The following CCDC38 variants were observed in gnomAD, a reference collection of about 807,000 sequenced individuals.
CCDC38 encodes coiled-coil domain-containing protein 38.
Under a neutral mutation model 72.8 loss-of-function variants are expected in CCDC38, and 69 were observed. That is an observed-to-expected ratio of 0.95 (90% CI 0.78 to 1.16). The LOEUF (loss-of-function observed/expected upper bound fraction) is 1.16, where lower values mean the gene tolerates loss of function less well. CCDC38 is among the 50% of genes most tolerant of loss of function. The pLI is 0.00. For synonymous variants in CCDC38, 201 were observed against 213.2 expected, an observed-to-expected ratio of 0.94 and a Z score of 0.50; for missense variants, 626 against 638.9, an observed-to-expected ratio of 0.98 and a Z score of 0.22.
intron 2 of CCDC38, among the ~76,000 whole-genome samples, chr12:95,928,700 T>G (rs1179196144): frequency 6.6e-6 from 1 of 152,234 alleles, no homozygotes; most frequent in African/African-American, 2.4e-5. Context: ...ATGATGGTGA[T>G]GTACAGATGG....
At chr12:95,909,806 G>A (rs182764111) in intron 4 of CCDC38, among the ~76,000 whole-genome samples, 97 of 152,142 alleles carry the variant, frequency 6.4e-4, no homozygotes, top group African/African-American at 2.1e-3. Context: ...AAAACCATAG[G>A]ATCATCTTGA....
intron 10 of CCDC38, 92 bp from the exon 11 acceptor site, chr12:95,881,646 C>A: frequency 1.1e-6 from 1 of 885,542 alleles, no homozygotes; most frequent in Non-Finnish European, 1.8e-6. Context: ...CGTTGGAACC[C>A]AACTGTAACA....
intron 2 of CCDC38, among the ~76,000 whole-genome samples, chr12:95,924,506 G>A (rs1197573731): frequency 3.4e-5 from 5 of 145,394 alleles, no homozygotes; most frequent in African/African-American, 1.3e-4. Flanking sequence ...TCACTCTGAT[G>A]GTAGTTTCTT....
intron 4 of CCDC38, among the ~76,000 whole-genome samples, chr12:95,907,563 G>T (rs1412897913): frequency 5.9e-5 from 8 of 135,682 alleles, no homozygotes. Context: ...GGACGAGGCG[G>T]CTGGCCAGGC....
At chr12:95,887,337 C>A (rs2079770983) in intron 10 of CCDC38, among the ~76,000 whole-genome samples, 1 of 152,122 alleles carries the variant, frequency 6.6e-6, no homozygotes, top group Admixed American at 6.6e-5. Context: ...TCACTATATC[C>A]CCAAACTAAA....
In CCDC38 at chr12:95,910,821, G is replaced by A. The variant is rs548729271; in HGVS notation, c.305-4370C>T. Among the ~76,000 whole-genome samples, 177 of 152,282 alleles carry A rather than the reference G, an allele frequency of 1.2e-3. 1 individual carries two copies. The highest frequency in any genetic ancestry group is 3.4e-3 in the African/African-American group (141 of 41,558). ...CAAGGTTACAGTGAGCTATGATCATGCTACTGCACTTCAGCCTGGGGGACA... is the reference window on the plus strand; with the variant it reads ...CAAGGTTACAGTGAGCTATGATCATACTACTGCACTTCAGCCTGGGGGACA... On this transcript the variant is annotated intron_variant, in intron 4 of 15. Coordinates refer to ENST00000344280, the MANE Select transcript of CCDC38 (RefSeq NM_182496.3).
Position 95,888,509 on chromosome 12 carries a change from G to C in CCDC38, c.872-3C>G. The C allele has an allele frequency of 6.2e-7, 1 of 1,613,894 alleles. No homozygotes were observed. The highest frequency in any genetic ancestry group is 8.5e-7 in the Non-Finnish European group (1 of 1,179,948). On this transcript the variant is annotated splice_region_variant and splice_polypyrimidine_tract_variant and intron_variant, in intron 9 of 15. Coordinates refer to ENST00000344280, the MANE Select transcript of CCDC38 (RefSeq NM_182496.3). ...AGTCAGGCTTCTGCTTGGCTTTCCTGTTCAAAATGTCCAGGTGAGGCCATG... is the reference window on the plus strand; with the variant it reads ...AGTCAGGCTTCTGCTTGGCTTTCCTCTTCAAAATGTCCAGGTGAGGCCATG...
At chr12:95,869,377 C>G in intron 15 of CCDC38, 103 bp downstream of exon 15, 1 of 822,884 alleles carries the variant, frequency 1.2e-6, no homozygotes, top group South Asian at 1.7e-5. Flanking sequence ...GAAAGATTAT[C>G]TTTCTGAAGT....
chr12:95,917,788 C>G (rs1048495543), intron 3 of CCDC38, among the ~76,000 whole-genome samples: 2 of 150,532 alleles, frequency 1.3e-5, no homozygotes, highest in Admixed American at 6.7e-5. Flanking sequence ...ACAAGAATCA[C>G]TTGAACCTGG....
rs778789680 is a variant in CCDC38, at chr12:95,936,476, CA to C, written c.33del (p.Gly12GlufsTer4). ...ATATTGATTGATTTCTTTTTACCTC[CA>C]GAATTCAGTGTTGGCAATAAATTTG... MSSNLLPTLN[S>X]GGKVKDGSTK... is the part of the protein sequence containing the mutation. On this transcript the variant is annotated frameshift_variant, in exon 2 of 16. Coordinates refer to ENST00000344280, the MANE Select transcript of CCDC38 (RefSeq NM_182496.3). LOFTEE classifies it high-confidence loss of function. 7.4e-6 allele frequency: 12 copies of C among 1,612,604 alleles called. No individual in the cohort carries two copies. Among genetic ancestry groups the C allele is most frequent in the Non-Finnish European group, 9.3e-6 (11 of 1,179,704 alleles).
chr12:95,935,565 G>T, intron 2 of CCDC38: 1 of 291,144 alleles, frequency 3.4e-6, no homozygotes, highest in Non-Finnish European at 7.0e-6. Context: ...TTAAGCCACA[G>T]TTGTTTTATA....
chr12:95,895,349 A>G (rs1339390041), intron 7 of CCDC38, among the ~76,000 whole-genome samples: 5 of 152,242 alleles, frequency 3.3e-5, no homozygotes, highest in Non-Finnish European at 5.9e-5. Context: ...TTTAAATAAA[A>G]CATGTCCAAG....
At chr12:95,923,217 C>G (rs112761017) in intron 2 of CCDC38, among the ~76,000 whole-genome samples, 1 of 152,086 alleles carries the variant, frequency 6.6e-6, no homozygotes, top group African/African-American at 2.4e-5. Context: ...GGGTCTCCAG[C>G]GTATAGATGG....
chr12:95,895,417 G>A (rs1263224741), intron 7 of CCDC38, among the ~76,000 whole-genome samples: 1 of 151,954 alleles, frequency 6.6e-6, no homozygotes, highest in Non-Finnish European at 1.5e-5. Context: ...TTATTCTGTA[G>A]GAAACACTGT....
chr12:95,923,567 G>A (rs988526578), intron 2 of CCDC38, among the ~76,000 whole-genome samples: 2 of 151,702 alleles, frequency 1.3e-5, no homozygotes, highest in Non-Finnish European at 2.9e-5. Context: ...TATACTTTAA[G>A]TTTTAGGGTA....
intron 2 of CCDC38, among the ~76,000 whole-genome samples, chr12:95,921,198 C>A (rs7957696): frequency 0.53 from 80,050 of 151,720 alleles, 21,750 homozygotes; most frequent in East Asian, 0.92. Flanking sequence ...TCCTGTTTTT[C>A]TTTATAACAT....
At chr12:95,936,545 C>A (rs745478048) in intron 1 of CCDC38, 22 bp from the exon 2 acceptor site, 6 of 1,601,214 alleles carry the variant, frequency 3.7e-6, no homozygotes, top group African/African-American at 2.7e-5. Context: ...AAAAAAAATA[C>A]GTTTTTTAAA....
chr12:95,928,037 G>A (rs1327231818), intron 2 of CCDC38, among the ~76,000 whole-genome samples: 2 of 147,440 alleles, frequency 1.4e-5, no homozygotes, highest in African/African-American at 5.0e-5. Context: ...TCTTCTCGAG[G>A]AGTATCTTTG....
chr12:95,905,196 C>A (rs1032010198), intron 5 of CCDC38, among the ~76,000 whole-genome samples: 1 of 151,472 alleles, frequency 6.6e-6, no homozygotes, highest in Non-Finnish European at 1.5e-5. Flanking sequence ...ATCATTTTTT[C>A]TGAATATTTT....
Sources: gnomAD v4.1 joint callset for allele counts (sites outside exome capture counted in the v4.1 genomes callset) on GRCh38, gnomAD v4.1.1 for gene constraint, MANE v1.5 for transcripts, NCBI Gene and HGNC (gene_info 2026-07-23, HGNC 2026-07-21) for gene names.